The following VAT1L variants were observed in gnomAD, a reference collection of about 807,000 sequenced individuals.
VAT1L encodes the protein putative NADPH-dependent quinone oxidoreductase VAT1L.
In VAT1L, 34 loss-of-function variants were observed where a neutral mutation model predicts 44.1. The ratio of observed to expected loss-of-function variants is 0.77; its 90% confidence interval spans 0.59 to 1.03. The LOEUF is 1.03. Ranked by LOEUF, VAT1L falls within the 50% of genes least tolerant of loss-of-function variation. VAT1L has a pLI of 0.00. For synonymous variants in VAT1L, 253 were observed against 202.2 expected, an observed-to-expected ratio of 1.25 and a Z score of -2.13; for missense variants, 615 against 538.8, an observed-to-expected ratio of 1.14 and a Z score of -1.40.
At chr16:77,836,011 A>G (rs1464002347) in intron 3 of VAT1L, among the ~76,000 whole-genome samples, 3 of 152,018 alleles carry the variant, frequency 2.0e-5, no homozygotes, top group African/African-American at 7.3e-5. Flanking sequence ...CTTCCTAACC[A>G]CACTAAGACT....
At chr16:77,880,456 G>A (rs528484631) in intron 6 of VAT1L, among the ~76,000 whole-genome samples, 29 of 151,912 alleles carry the variant, frequency 1.9e-4, no homozygotes, top group South Asian at 6.2e-4. Flanking sequence ...CATCGTACTC[G>A]GCCAAACTTA....
intron 1 of VAT1L, among the ~76,000 whole-genome samples, chr16:77,807,218 C>G (rs1350407039): frequency 1.3e-5 from 2 of 152,142 alleles, no homozygotes; most frequent in African/African-American, 4.8e-5. Flanking sequence ...GTAGTGGGAG[C>G]TAGTGTGCAC....
intron 3 of VAT1L, among the ~76,000 whole-genome samples, chr16:77,854,448 A>G (rs1390732316): frequency 1.3e-5 from 2 of 152,184 alleles, no homozygotes; most frequent in Non-Finnish European, 2.9e-5. Context: ...TCTTCTTACA[A>G]CAATTGAGTC....
intron 7 of VAT1L, among the ~76,000 whole-genome samples, chr16:77,942,570 G>A (rs368547337): frequency 2.0e-5 from 3 of 152,238 alleles, no homozygotes; most frequent in African/African-American, 4.8e-5. Flanking sequence ...ACTGCCTTTG[G>A]AGAAACAGAA....
chr16:77,947,096 G>A (rs938626818), intron 7 of VAT1L, among the ~76,000 whole-genome samples: 1 of 152,238 alleles, frequency 6.6e-6, no homozygotes, highest in African/African-American at 2.4e-5. Context: ...ACACAGGAAA[G>A]AAAGGGTGAG....
intron 7 of VAT1L, among the ~76,000 whole-genome samples, chr16:77,934,885 C>T (rs1011728572): frequency 6.6e-6 from 1 of 152,080 alleles, no homozygotes; most frequent in Non-Finnish European, 1.5e-5. Flanking sequence ...ATGCAGGGCC[C>T]GGTCTGGTGG....
At chr16:77,865,518 C>T (rs1039458728) in intron 4 of VAT1L, among the ~76,000 whole-genome samples, 5 of 152,066 alleles carry the variant, frequency 3.3e-5, no homozygotes, top group Admixed American at 1.3e-4. Context: ...AGAGTCTTAA[C>T]GGAGGGAGAG....
rs546528496 is a variant in VAT1L, at chr16:77,953,157, C to A, written c.1078-18693C>A. 4.5e-4 allele frequency among the ~76,000 whole-genome samples: 68 copies of A among 152,222 alleles called. 1 individual carries two copies. The highest frequency in any genetic ancestry group is 1.6e-3 in the African/African-American group (66 of 41,538). On this transcript the variant is annotated intron_variant, in intron 7 of 8. Transcript: ENST00000302536. ...GGGCCACCAAAGATGCCAGCAACCT[C>A]CAGAAGCTAGGAGAAAATAATGGAA...
intron 3 of VAT1L, among the ~76,000 whole-genome samples, chr16:77,828,833 C>A (rs2016550355): frequency 1.3e-5 from 2 of 152,162 alleles, no homozygotes; most frequent in Non-Finnish European, 2.9e-5. Flanking sequence ...GCCTCTTGAG[C>A]TTTCAGAAGG....
chr16:77,848,200 C>A (rs186596801), intron 3 of VAT1L, among the ~76,000 whole-genome samples: 1 of 152,160 alleles, frequency 6.6e-6, no homozygotes, highest in African/African-American at 2.4e-5. Flanking sequence ...GACCTTCTAA[C>A]AATCAGAGGT....
At chr16:77,934,767 A>C (rs1443823518) in intron 7 of VAT1L, among the ~76,000 whole-genome samples, 1 of 152,180 alleles carries the variant, frequency 6.6e-6, no homozygotes, top group Non-Finnish European at 1.5e-5. Flanking sequence ...TCAATCTTAA[A>C]ATGGAAAAGT....
intron 5 of VAT1L, among the ~76,000 whole-genome samples, 154 bp downstream of exon 5, chr16:77,876,627 G>A (rs2017090089): frequency 2.0e-5 from 3 of 152,156 alleles, no homozygotes; most frequent in African/African-American, 4.8e-5. Context: ...TTCTATTACT[G>A]TGAGTTATTT....
chr16:77,851,764 G>C (rs1357014074), intron 3 of VAT1L, among the ~76,000 whole-genome samples: 3 of 152,142 alleles, frequency 2.0e-5, no homozygotes, highest in Non-Finnish European at 4.4e-5. Flanking sequence ...AGTTCGCTGA[G>C]GCTCAGAGAG....
chr16:77,802,657 CACACACACACACT>C (rs1410781696), intron 1 of VAT1L, among the ~76,000 whole-genome samples: 10 of 142,780 alleles, frequency 7.0e-5, no homozygotes, highest in Non-Finnish European at 1.4e-4. Flanking sequence ...CACACACACA[CACACACACACACT>C]AAAGTTGCAT....
chr16:77,795,844 G>C (rs1212643881), intron 1 of VAT1L, among the ~76,000 whole-genome samples: 6 of 45,292 alleles, frequency 1.3e-4, no homozygotes, highest in African/African-American at 4.3e-4. Context: ...TTTTTCATTT[G>C]AGACAGAGTT....
At chr16:77,913,888 C>T (rs955431455) in intron 7 of VAT1L, among the ~76,000 whole-genome samples, 4 of 152,178 alleles carry the variant, frequency 2.6e-5, no homozygotes, top group Admixed American at 1.3e-4. Flanking sequence ...ACCAACTCTA[C>T]GAACCTCATG....
chr16:77,955,931 T>G (rs1401613717), intron 7 of VAT1L, among the ~76,000 whole-genome samples: 1 of 152,166 alleles, frequency 6.6e-6, no homozygotes, highest in Non-Finnish European at 1.5e-5. Context: ...CCTGTGGTTG[T>G]ATGAAGCGGG....
At chr16:77,923,975 A>T (rs959849721) in intron 7 of VAT1L, among the ~76,000 whole-genome samples, 1 of 150,812 alleles carries the variant, frequency 6.6e-6, no homozygotes, top group Non-Finnish European at 1.5e-5. Flanking sequence ...CCCAGTAAAG[A>T]TGAGGAAATC....
chr16:77,828,386 G>A (rs1047791614), intron 3 of VAT1L, among the ~76,000 whole-genome samples: 20 of 151,984 alleles, frequency 1.3e-4, no homozygotes, highest in Admixed American at 1.1e-3. Flanking sequence ...AGTGGGGGCC[G>A]GGCGCGGTGG....
Sources: allele counts gnomAD v4.1 joint callset (sites outside exome capture counted in the v4.1 genomes callset), GRCh38; gene constraint gnomAD v4.1.1; transcripts MANE v1.5; gene names NCBI Gene and HGNC (gene_info 2026-07-23, HGNC 2026-07-21).